Variants in KLF12 observed in about 807,000 individuals in gnomAD.
KLF12 encodes Krueppel-like factor 12.
In KLF12, 9 loss-of-function variants were observed where a neutral mutation model predicts 37.8. The observed-to-expected ratio is 0.24, with a 90% CI of 0.14 to 0.42. The LOEUF (loss-of-function observed/expected upper bound fraction) is 0.42. Ranked by LOEUF, KLF12 falls within the 10% of genes least tolerant of loss-of-function variation. The pLI is 1.00. For synonymous variants in KLF12, 208 were observed against 202.1 expected (o/e 1.03, Z -0.25); for missense variants, 411 against 516.0 (o/e 0.80, Z 1.97).
chr13:74,072,406 T>TATATATATATATAA (rs1487459834), intron 1 of KLF12, among the ~76,000 whole-genome samples: 3 of 119,724 alleles, frequency 2.5e-5, no homozygotes, highest in Non-Finnish European at 5.3e-5. Context: ...TATATATATA[T>TATATATATATATAA]AAAAGATTAT....
rs564807538 is a variant in KLF12, at chr13:73,816,237, C to T, written c.671-2950G>A. Among the ~76,000 whole-genome samples, 63 of 152,300 alleles carry T rather than the reference C, an allele frequency of 4.1e-4. 1 individual carries two copies. The highest frequency in any genetic ancestry group is 3.4e-3 in the Middle Eastern group (1 of 294). On this transcript the variant is annotated intron_variant, in intron 4 of 7. Transcript: ENST00000377669. The stretch of plus-strand genomic sequence containing the variant: ...TTAACCTCCATCAGTCTTTGAGCAT[C>T]TCAGCCCATTTAGGAAGGACTGATT...
At chr13:73,897,290 T>G (rs1301687570) in intron 3 of KLF12, among the ~76,000 whole-genome samples, 3 of 152,208 alleles carry the variant, frequency 2.0e-5, no homozygotes, top group African/African-American at 7.2e-5. Flanking sequence ...TTATTTTTAT[T>G]TTGAATGAAC....
At chr13:74,218,032 T>C in the KLF12 span, among the ~76,000 whole-genome samples, 1 of 152,206 alleles carries the variant, frequency 6.6e-6, no homozygotes, top group Non-Finnish European at 1.5e-5. Context: ...TGTGGGCTTA[T>C]ATGGCAGGCT....
chr13:73,941,171 C>A (rs1487874985), intron 3 of KLF12, among the ~76,000 whole-genome samples: 1 of 152,178 alleles, frequency 6.6e-6, no homozygotes, highest in Admixed American at 6.5e-5. Context: ...CACCTTCAGG[C>A]TTTCTTCAAG....
intron 1 of KLF12, among the ~76,000 whole-genome samples, chr13:74,131,241 T>C (rs1878246946): frequency 6.6e-6 from 1 of 152,226 alleles, no homozygotes; most frequent in Non-Finnish European, 1.5e-5. Context: ...GTGCATACTT[T>C]CCCTGAACAG....
intron 1 of KLF12, among the ~76,000 whole-genome samples, chr13:74,061,782 C>T (rs114949718): frequency 0.014 from 2,193 of 152,204 alleles, 55 homozygotes; most frequent in African/African-American, 0.05. Context: ...ACTTTGAATA[C>T]GTAAAGTATT....
chr13:73,842,666 A>C (rs1402044126), intron 4 of KLF12, among the ~76,000 whole-genome samples: 2 of 152,234 alleles, frequency 1.3e-5, no homozygotes, highest in Non-Finnish European at 1.5e-5. Flanking sequence ...ACAATCATCT[A>C]CATTTATGCA....
intron 2 of KLF12, among the ~76,000 whole-genome samples, chr13:73,947,066 G>A (rs1890457696): frequency 6.6e-6 from 1 of 152,152 alleles, no homozygotes; most frequent in Admixed American, 6.5e-5. Context: ...ATCTTGCCAT[G>A]ATCTTAATCA....
At chr13:74,195,423 G>A in the KLF12 span, among the ~76,000 whole-genome samples, 139 of 152,192 alleles carry the variant, frequency 9.1e-4, 1 homozygote, top group African/African-American at 3.3e-3. Flanking sequence ...TAGAATGACA[G>A]GGTCCTGTGC....
At chr13:73,800,914 T>C (rs1448806590) in intron 5 of KLF12, 2 of 152,094 alleles carry the variant, frequency 1.3e-5, no homozygotes, top group Non-Finnish European at 2.9e-5. Flanking sequence ...ATTCTGAAAA[T>C]ATGTTGGCAC....
chr13:74,016,589 C>T (rs1892693629), intron 1 of KLF12, among the ~76,000 whole-genome samples: 1 of 152,152 alleles, frequency 6.6e-6, no homozygotes, highest in Non-Finnish European at 1.5e-5. Context: ...TCTTGACCTC[C>T]TGACCTCAAG....
the KLF12 span, among the ~76,000 whole-genome samples, chr13:74,275,802 CT>C: frequency 3.8e-4 from 39 of 103,098 alleles, 1 homozygote; most frequent in East Asian, 8.4e-4. Flanking sequence ...TTCTTTCTTT[CT>C]TTCCTTCTTT....
At chr13:73,866,552 CAGGAT>C (rs1886186583) in intron 3 of KLF12, among the ~76,000 whole-genome samples, 1 of 151,918 alleles carries the variant, frequency 6.6e-6, no homozygotes, top group South Asian at 2.1e-4. Flanking sequence ...CAGAAGACAA[CAGGAT>C]AGGTTTACAT....
At chr13:74,294,575 A>G in the KLF12 span, among the ~76,000 whole-genome samples, 2 of 151,722 alleles carry the variant, frequency 1.3e-5, no homozygotes, top group African/African-American at 2.4e-5. Context: ...CACCATGTTG[A>G]CCACCATGGT....
At chr13:74,112,573 T>C (rs1430870728) in intron 1 of KLF12, among the ~76,000 whole-genome samples, 1 of 152,178 alleles carries the variant, frequency 6.6e-6, no homozygotes, top group Non-Finnish European at 1.5e-5. Flanking sequence ...ATTGGTGACC[T>C]GTGATCTTTG....
At chr13:73,699,551 G>C (rs565031383) in intron 7 of KLF12, among the ~76,000 whole-genome samples, 2 of 152,294 alleles carry the variant, frequency 1.3e-5, no homozygotes, top group South Asian at 2.1e-4. Context: ...AAGATCAGGA[G>C]TGCCTCTCCA....
chr13:73,817,518 C>A (rs1883300235), intron 4 of KLF12, among the ~76,000 whole-genome samples: 4 of 152,086 alleles, frequency 2.6e-5, no homozygotes, highest in Admixed American at 2.6e-4. Flanking sequence ...TTACAGTCAG[C>A]CTACAACAAT....
chr13:74,202,852 CA>C, the KLF12 span, among the ~76,000 whole-genome samples: 1 of 152,140 alleles, frequency 6.6e-6, no homozygotes, highest in Non-Finnish European at 1.5e-5. Context: ...AGCCCTTGTT[CA>C]AAAAATGGAT....
chr13:73,746,500 TATTTAC>T (rs1878380605), intron 6 of KLF12, among the ~76,000 whole-genome samples: 1 of 152,064 alleles, frequency 6.6e-6, no homozygotes, highest in African/African-American at 2.4e-5. Context: ...TATATATTTA[TATTTAC>T]ATATGCCGTT....
Sources: gnomAD v4.1 joint callset for allele counts (sites outside exome capture counted in the v4.1 genomes callset) on GRCh38, gnomAD v4.1.1 for gene constraint, MANE v1.5 for transcripts, NCBI Gene and HGNC (gene_info 2026-07-23, HGNC 2026-07-21) for gene names.